The following API5 variants were observed in gnomAD, a reference collection of about 807,000 sequenced individuals.
API5 encodes FIF.
In API5, 6 loss-of-function variants were observed where a neutral mutation model predicts 71.9. That is an observed-to-expected ratio of 0.08 (90% CI 0.05 to 0.16). The LOEUF (loss-of-function observed/expected upper bound fraction) is 0.16. Among genes scored for constraint, API5 ranks in the 10% least tolerant of loss-of-function variants. The pLI is 1.00. For missense variants in API5, 332 were observed against 612.8 expected (o/e 0.54, Z 4.84); for synonymous variants, 189 against 221.3 (o/e 0.85, Z 1.30).
intron 5 of API5, 125 bp downstream of exon 5, chr11:43,322,261 C>A: frequency 3.3e-6 from 3 of 900,092 alleles, no homozygotes; most frequent in Non-Finnish European, 4.6e-6. Flanking sequence ...CCCATTGGAA[C>A]CACCATAGAA....
At chr11:43,339,572 T>TTACCTTTAGTAATGATAG (rs1855545034) in intron 13 of API5, among the ~76,000 whole-genome samples, 1 of 152,222 alleles carries the variant, frequency 6.6e-6, no homozygotes, top group Non-Finnish European at 1.5e-5. Flanking sequence ...TCTTGTTCTG[T>TTACCTTTAGTAATGATAG]ACATCACAAG....
At chr11:43,314,336 A>G (rs751378127) in intron 1 of API5, among the ~76,000 whole-genome samples, 5 of 152,180 alleles carry the variant, frequency 3.3e-5, no homozygotes, top group Non-Finnish European at 5.9e-5. Context: ...TTGAAACCGT[A>G]TACATAATGC....
At chr11:43,316,942 T>C (rs1014845866) in intron 1 of API5, among the ~76,000 whole-genome samples, 1 of 152,252 alleles carries the variant, frequency 6.6e-6, no homozygotes, top group Admixed American at 6.5e-5. Context: ...CAGAAATTTC[T>C]GTTATTTGGG....
In API5 at chr11:43,335,375, A is replaced by G. The variant is rs761451118; in HGVS notation, c.1355+21A>G. 2.0e-6 allele frequency: 3 copies of G among 1,500,312 alleles called. No individual in the cohort carries two copies. The South Asian group carries it at 3.4e-5, about 17-fold the overall frequency. 92.9% of individuals were successfully genotyped at this position (1,500,312 alleles called of 1,614,324 possible). A position where few individuals can be genotyped will look rare whatever the true frequency, so the allele number is the denominator to read the frequency against. On this transcript the variant is annotated intron_variant, in intron 12 of 13. Coordinates refer to ENST00000531273, the MANE Select transcript of API5 (RefSeq NM_001142930.2). ...ATTGGGTAAGAAATATATTTAAAAG[A>G]GATTTAAGTGTTATCAAAACTTAAT...
intron 13 of API5, among the ~76,000 whole-genome samples, chr11:43,337,153 AT>A (rs1468509151): frequency 6.6e-6 from 1 of 151,924 alleles, no homozygotes; most frequent in Non-Finnish European, 1.5e-5. Flanking sequence ...GCGAGACCCC[AT>A]TTCTACAAAG....
intron 11 of API5, chr11:43,332,055 G>A (rs1011205214): frequency 6.6e-6 from 1 of 152,194 alleles, no homozygotes; most frequent in African/African-American, 2.4e-5. Flanking sequence ...ATGCAGATGA[G>A]AAAATGTTCT....
Position 43,312,166 on chromosome 11 carries a change from C to T in API5, c.39C>T (p.Ile13=), listed in dbSNP as rs1854494545. ...AGGAGCTTTACCGCAATTATGGCATCCTGGCCGATGCCACGGAGCAAGTGG... is the reference window on the plus strand; with the variant it reads ...AGGAGCTTTACCGCAATTATGGCATTCTGGCCGATGCCACGGAGCAAGTGG... ...TVEELYRNYG[I]LADATEQVGQ... The change falls in exon 1 of 14, where the codon ATC becomes ATT. Residue 13 remains isoleucine, a synonymous_variant. Coordinates refer to ENST00000531273, the MANE Select transcript of API5 (RefSeq NM_001142930.2). The T allele has an allele frequency of 2.5e-6, 4 of 1,613,990 alleles. No individual in the cohort carries two copies. Among genetic ancestry groups the T allele is most frequent in the Non-Finnish European group, 3.4e-6 (4 of 1,179,942 alleles).
At chr11:43,330,440 A>G (rs1448978164) in intron 10 of API5, 68 bp from the exon 11 acceptor site, 9 of 1,120,372 alleles carry the variant, frequency 8.0e-6, no homozygotes, top group Admixed American at 1.7e-5. Context: ...CTCTAGTTCT[A>G]TGACAGAATG....
chr11:43,338,383 T>C (rs945550875), intron 13 of API5, among the ~76,000 whole-genome samples: 3 of 152,176 alleles, frequency 2.0e-5, no homozygotes, highest in Admixed American at 6.5e-5. Flanking sequence ...ACGTTTAGTT[T>C]TCCTTCCAGT....
intron 2 of API5, 79 bp from the exon 3 acceptor site, chr11:43,320,742 A>AAAG: frequency 3.1e-6 from 4 of 1,275,066 alleles, no homozygotes; most frequent in Middle Eastern, 2.8e-4. Context: ...AAAAAAAAAA[A>AAAG]AAAGAAAGAA....
In API5 at chr11:43,316,781, A is replaced by C. The variant is rs533936879; in HGVS notation, c.70-1859A>C. On this transcript the variant is annotated intron_variant, in intron 1 of 13. Transcript: ENST00000531273. ...GTGATTCTCCTCCCTCAGCCTCTCC[A>C]GTAGCTGGGACTGCAAGCACACACC... is the stretch of plus-strand genomic sequence containing the variant. 2.6e-5 allele frequency among the ~76,000 whole-genome samples: 4 copies of C among 152,162 alleles called. No homozygotes were observed. In the East Asian group the frequency reaches 7.7e-4, roughly 29 times the overall value.
chr11:43,340,195 G>GA (rs1262346275), intron 13 of API5: 8 of 340,036 alleles, frequency 2.4e-5, no homozygotes, highest in Non-Finnish European at 2.8e-5. Context: ...TAATAGCTGT[G>GA]AAAAAAATCT....
At chr11:43,316,044 A>G (rs939489771) in intron 1 of API5, among the ~76,000 whole-genome samples, 14 of 152,104 alleles carry the variant, frequency 9.2e-5, no homozygotes, top group African/African-American at 2.7e-4. Flanking sequence ...TGTTCTCTCA[A>G]TCATTGAGTA....
intron 11 of API5, among the ~76,000 whole-genome samples, chr11:43,334,154 T>G (rs1855351063): frequency 6.6e-6 from 1 of 152,130 alleles, no homozygotes; most frequent in Admixed American, 6.5e-5. Flanking sequence ...ACATGATAAA[T>G]TTTTTGTTTT....
At chr11:43,338,452 T>A (rs1376935194) in intron 13 of API5, among the ~76,000 whole-genome samples, 1 of 152,112 alleles carries the variant, frequency 6.6e-6, no homozygotes, top group Non-Finnish European at 1.5e-5. Flanking sequence ...GTGACTTGTG[T>A]TCTTTACTTT....
intron 6 of API5, among the ~76,000 whole-genome samples, chr11:43,326,257 A>T (rs572352505): frequency 6.6e-6 from 1 of 152,316 alleles, no homozygotes; most frequent in East Asian, 1.9e-4. Context: ...GATGGAGCTT[A>T]TGTTGATAAA....
chr11:43,338,047 G>T (rs1251282757), intron 13 of API5, among the ~76,000 whole-genome samples: 1 of 152,176 alleles, frequency 6.6e-6, no homozygotes, highest in African/African-American at 2.4e-5. Context: ...CACAACTTCA[G>T]TTATTCCCAG....
chr11:43,319,027 G>T (rs370167799), intron 2 of API5: 4 of 449,772 alleles, frequency 8.9e-6, no homozygotes, highest in Non-Finnish European at 1.6e-5. Context: ...ACTTAGTTTC[G>T]CTTATCATTT....
rs369837996 is a variant in API5, at chr11:43,323,569, A to G, written c.683A>G (p.Asn228Ser). The G allele has an allele frequency of 4.3e-6, 7 of 1,613,976 alleles. No homozygotes were observed. The highest frequency in any genetic ancestry group is 1.1e-5 in the South Asian group (1 of 91,082). ...AEQADLEQTF[N>S]PSDPDCVDRL... ...CAGGCCGACCTAGAACAGACCTTCA[A>G]TCCCTCGGATCCTGACTGTGTGGAC... Residue 228 changes from asparagine (N) to serine (S), a missense_variant, in exon 6 of 14, where the codon AAT becomes AGT. By Grantham distance (46) the Asn-to-Ser change is conservative. Transcript: ENST00000531273.
Sources: gnomAD v4.1 joint callset for allele counts (sites outside exome capture counted in the v4.1 genomes callset) on GRCh38, gnomAD v4.1.1 for gene constraint, MANE v1.5 for transcripts, NCBI Gene and HGNC (gene_info 2026-07-23, HGNC 2026-07-21) for gene names.